The following ARID4A variants were observed in gnomAD, a reference collection of about 807,000 sequenced individuals.
ARID4A encodes AT-rich interactive domain-containing protein 4A.
A neutral mutation model predicts 148.6 loss-of-function variants in ARID4A; 39 were observed. The ratio of observed to expected loss-of-function variants is 0.26; its 90% CI spans 0.20 to 0.34. The LOEUF (loss-of-function observed/expected upper bound fraction) is 0.34. ARID4A is among the 10% of genes least tolerant of loss of function. ARID4A has a pLI of 1.00. For missense variants in ARID4A, 1,265 were observed against 1,449.1 expected (o/e 0.87, Z 2.06); for synonymous variants, 475 against 481.2 (o/e 0.99, Z 0.17).
intron 5 of ARID4A, among the ~76,000 whole-genome samples, chr14:58,312,304 C>T (rs2032101989): frequency 6.6e-6 from 1 of 151,568 alleles, no homozygotes; most frequent in African/African-American, 2.4e-5. Flanking sequence ...GTAAGCTCCA[C>T]CTCCCAGGTT....
Position 58,318,526 on chromosome 14 carries a change from C to T in ARID4A, c.275-16C>T, listed in dbSNP as rs759340650. 3 of 1,612,772 alleles carry T rather than the reference C, an allele frequency of 1.9e-6. No individual in the cohort carries two copies. Among genetic ancestry groups the T allele is most frequent in the Non-Finnish European group, 2.5e-6 (3 of 1,178,978 alleles). On this transcript the variant is annotated splice_polypyrimidine_tract_variant and intron_variant, in intron 5 of 23. Coordinates refer to ENST00000355431, the MANE Select transcript of ARID4A (RefSeq NM_002892.4). ...TTAGTGTGCATAAATTCTCTGTTAT[C>T]TTTTGCTTATTATAGTGTTTGATGA...
chr14:58,317,887 A>G (rs559714133), intron 5 of ARID4A, among the ~76,000 whole-genome samples: 3 of 152,022 alleles, frequency 2.0e-5, no homozygotes, highest in Non-Finnish European at 2.9e-5. Context: ...TAATCCGAGC[A>G]CTTTCGGAGG....
At chr14:58,319,700 G>T (rs567542322) in intron 7 of ARID4A, among the ~76,000 whole-genome samples, 1 of 149,140 alleles carries the variant, frequency 6.7e-6, no homozygotes, top group Non-Finnish European at 1.5e-5. Context: ...ACACCATCAC[G>T]CCTGGCTAGT....
At chr14:58,305,909 T>C in intron 4 of ARID4A, 113 bp from the exon 5 acceptor site, 4 of 747,148 alleles carry the variant, frequency 5.4e-6, no homozygotes, top group Middle Eastern at 6.3e-4. Flanking sequence ...CAGTGTAAGA[T>C]AGAATTATCA....
At chr14:58,299,268 C>T (rs1038255746) in intron 1 of ARID4A, 5 of 152,446 alleles carry the variant, frequency 3.3e-5, no homozygotes, top group African/African-American at 9.6e-5. Context: ...CGGCCCCTGC[C>T]CCTTTGGGTG....
chr14:58,323,365 A>G lies in ARID4A; in HGVS notation c.450-120A>G, dbSNP rs1453864733. On this transcript the variant is annotated intron_variant, in intron 7 of 23. Transcript: ENST00000355431. Reference sequence around the variant, plus strand: ...ATGTCTTCAGTTACAATAAGAATGGAGAGGCTACTACTTTAGGGTGTAGTC... The same window carrying G: ...ATGTCTTCAGTTACAATAAGAATGGGGAGGCTACTACTTTAGGGTGTAGTC... The G allele has an allele frequency of 7.1e-6, 8 of 1,131,644 alleles. No individual in the cohort carries two copies. The East Asian group carries it at 1.8e-4, about 26-fold the overall frequency. The allele number at this position is 1,131,644 out of a possible 1,614,324, so 70.1% of individuals were successfully genotyped here.
intron 3 of ARID4A, among the ~76,000 whole-genome samples, chr14:58,304,614 A>G (rs1232460642): frequency 6.6e-6 from 1 of 152,230 alleles, no homozygotes; most frequent in African/African-American, 2.4e-5. Context: ...GGTGGCAATC[A>G]GAACCTTTTG....
chr14:58,321,809 T>G (rs2032906928), intron 7 of ARID4A, among the ~76,000 whole-genome samples: 1 of 152,160 alleles, frequency 6.6e-6, no homozygotes, highest in Non-Finnish European at 1.5e-5. Flanking sequence ...TCTTTAAAGT[T>G]AACTACATTT....
chr14:58,305,600 T>C (rs1172996428), intron 4 of ARID4A, among the ~76,000 whole-genome samples: 1 of 152,182 alleles, frequency 6.6e-6, no homozygotes, highest in Non-Finnish European at 1.5e-5. Flanking sequence ...ATACAAATGC[T>C]GAATCCAATA....
At chr14:58,333,087 C>G in intron 11 of ARID4A, among the ~76,000 whole-genome samples, 1 of 151,952 alleles carries the variant, frequency 6.6e-6, no homozygotes. Context: ...ATTGGTAGTT[C>G]AGGATTTGAG....
rs980389315 is a variant in ARID4A, at chr14:58,347,776, A to C, written c.1302A>C (p.Leu434Phe). The C allele has an allele frequency of 1.2e-6, 2 of 1,613,890 alleles. No homozygotes were observed. The highest frequency in any genetic ancestry group is 1.7e-6 in the Non-Finnish European group (2 of 1,179,800). The change falls in exon 15 of 24, where the codon TTA (leucine) becomes TTC (phenylalanine). Residue 434 changes from leucine to phenylalanine, a missense_variant. Physicochemically the swap from Leu to Phe is conservative, Grantham distance 22. Transcript: ENST00000355431. ...AATCAATGGAAGAGGCTCTCAAATT[A>C]GATCAAGAAATGCCTTTAACAGAAG... ...LEESMEEALK[L>F]DQEMPLTEVK...
chr14:58,305,609 T>C (rs2140136500), intron 4 of ARID4A, among the ~76,000 whole-genome samples: 1 of 152,314 alleles, frequency 6.6e-6, no homozygotes, highest in Non-Finnish European at 1.5e-5. Context: ...CTGAATCCAA[T>C]ATTCACTATT....
chr14:58,372,546 T>C lies in ARID4A; in HGVS notation c.*557T>C, dbSNP rs1158418311. On this transcript the variant is annotated 3_prime_UTR_variant, in exon 24 of 24. Transcript: ENST00000355431. ...AAGGTGTAAATGGGACAAAATAAATTGTGAAAGGAAGTGTAGTTGACTGAA... is the reference window on the plus strand; with the variant it reads ...AAGGTGTAAATGGGACAAAATAAATCGTGAAAGGAAGTGTAGTTGACTGAA... 4.7e-6 allele frequency: 1 copy of C among 212,716 alleles called. No individual in the cohort carries two copies. Among genetic ancestry groups the C allele is most frequent in the East Asian group, 7.1e-5 (1 of 14,124 alleles). 13.2% of individuals were successfully genotyped at this position (212,716 alleles called of 1,614,324 possible). A position where few individuals can be genotyped will look rare whatever the true frequency, so the allele number is the denominator to read the frequency against.
At chr14:58,322,053 C>T (rs2032925140) in intron 7 of ARID4A, among the ~76,000 whole-genome samples, 2 of 151,982 alleles carry the variant, frequency 1.3e-5, no homozygotes, top group Admixed American at 6.6e-5. Context: ...TCACTGCAAC[C>T]TCTGCCTCCC....
intron 5 of ARID4A, among the ~76,000 whole-genome samples, chr14:58,317,408 C>T (rs1411859589): frequency 6.7e-6 from 1 of 148,678 alleles, no homozygotes; most frequent in African/African-American, 2.5e-5. Context: ...CCTCAGCCTC[C>T]CGAGTAGCTG....
chr14:58,311,043 C>T (rs1401388656), intron 5 of ARID4A, among the ~76,000 whole-genome samples: 3 of 151,976 alleles, frequency 2.0e-5, no homozygotes, highest in Admixed American at 6.6e-5. Context: ...GTCAGAAGTT[C>T]GAGACCAGCC....
At position 58,372,873 on chromosome 14, in the gene ARID4A, C is replaced by A. The variant is rs970177044; in HGVS notation, c.*884C>A. On this transcript the variant is annotated 3_prime_UTR_variant, in exon 24 of 24. Coordinates refer to ENST00000355431, the MANE Select transcript of ARID4A (RefSeq NM_002892.4). The stretch of plus-strand genomic sequence containing the variant: ...AACTTGTTAAATATATTTATTCAGA[C>A]ATTGGATGTTGTATTTTTATGTATT... 5.6e-6 allele frequency: 1 copy of A among 179,106 alleles called. No homozygotes were observed. The highest frequency in any genetic ancestry group is 9.5e-5 in the East Asian group (1 of 10,562). 11.1% of individuals were successfully genotyped at this position (179,106 alleles called of 1,614,324 possible).
intron 7 of ARID4A, among the ~76,000 whole-genome samples, chr14:58,322,908 A>C (rs2032982656): frequency 6.9e-6 from 1 of 144,464 alleles, no homozygotes; most frequent in Admixed American, 7.3e-5. Context: ...GGTTGCAGTT[A>C]GCTGAGATAG....
chr14:58,308,422 C>G (rs984880127), intron 5 of ARID4A, among the ~76,000 whole-genome samples: 2 of 152,136 alleles, frequency 1.3e-5, no homozygotes, highest in Admixed American at 6.6e-5. Context: ...GTAGTTCACA[C>G]TTATAAAAAC....
Sources: gnomAD v4.1 joint callset for allele counts (sites outside exome capture counted in the v4.1 genomes callset) on GRCh38, gnomAD v4.1.1 for gene constraint, MANE v1.5 for transcripts, NCBI Gene and HGNC (gene_info 2026-07-23, HGNC 2026-07-21) for gene names.